ZNF727: variants seen among roughly 807,000 people sequenced by gnomAD.
ZNF727 encodes putative zinc finger protein 727.
ZNF727 carries 11 observed loss-of-function variants against 11.5 expected under a neutral mutation model. The observed-to-expected ratio is 0.95, with a 90% CI of 0.60 to 1.58. The LOEUF (loss-of-function observed/expected upper bound fraction) is 1.58, where lower values mean the gene tolerates loss of function less well. ZNF727 is among the 40% of genes most tolerant of loss of function. The pLI is 0.00. For synonymous variants in ZNF727, 171 were observed against 196.1 expected, an observed-to-expected ratio of 0.87 and a Z score of 1.07; for missense variants, 533 against 581.7, an observed-to-expected ratio of 0.92 and a Z score of 0.86.
intron 1 of ZNF727, among the ~76,000 whole-genome samples, chr7:64,067,825 A>G (rs1423350544): frequency 2.0e-5 from 3 of 152,148 alleles, no homozygotes; most frequent in Non-Finnish European, 1.5e-5. Flanking sequence ...TGATAGGTGC[A>G]GCAAACCACC....
intron 3 of ZNF727, among the ~76,000 whole-genome samples, chr7:64,073,330 A>G (rs1212724281): frequency 5.3e-5 from 8 of 150,564 alleles, no homozygotes; most frequent in Non-Finnish European, 1.0e-4. Flanking sequence ...TCATGACTCA[A>G]TATTTATAAG....
chr7:64,053,943 C>T (rs1190303591), intron 1 of ZNF727, among the ~76,000 whole-genome samples: 1 of 152,152 alleles, frequency 6.6e-6, no homozygotes, highest in Non-Finnish European at 1.5e-5. Context: ...TGTCTAATTT[C>T]TCATTGTTAA....
intron 1 of ZNF727, among the ~76,000 whole-genome samples, chr7:64,053,695 A>G (rs1789638618): frequency 6.6e-6 from 1 of 151,984 alleles, no homozygotes; most frequent in African/African-American, 2.4e-5. Flanking sequence ...TCCATGTAAG[A>G]TGTCACTCAT....
chr7:64,054,456 A>C (rs1045378030), intron 1 of ZNF727, among the ~76,000 whole-genome samples: 6 of 152,178 alleles, frequency 3.9e-5, no homozygotes, highest in Non-Finnish European at 7.4e-5. Flanking sequence ...TGAGTGTTCT[A>C]ATATAGATGG....
At chr7:64,047,533 C>G (rs1363951803) in intron 1 of ZNF727, among the ~76,000 whole-genome samples, 3 of 152,116 alleles carry the variant, frequency 2.0e-5, no homozygotes, top group Admixed American at 6.5e-5. Flanking sequence ...TTTCCTGGTT[C>G]CAAGTATTAC....
chr7:64,053,181 C>A (rs1021883864), intron 1 of ZNF727, among the ~76,000 whole-genome samples: 1 of 152,016 alleles, frequency 6.6e-6, no homozygotes, highest in Non-Finnish European at 1.5e-5. Context: ...GTGTCCCCAC[C>A]CAAATCTCAT....
intron 3 of ZNF727, among the ~76,000 whole-genome samples, chr7:64,076,077 A>G (rs1562797796): frequency 6.6e-6 from 1 of 151,174 alleles, no homozygotes; most frequent in Non-Finnish European, 1.5e-5. Flanking sequence ...TGGCTATGTC[A>G]TTAATTAATT....
chr7:64,082,329 T>C lies in ZNF727; in HGVS notation c.*3780T>C, dbSNP rs569319795. Among the ~76,000 whole-genome samples the C allele has an allele frequency of 6.6e-6, 1 of 152,304 alleles. No homozygotes were observed. The highest frequency in any genetic ancestry group is 1.5e-5 in the Non-Finnish European group (1 of 68,024). On this transcript the variant is annotated 3_prime_UTR_variant, in exon 4 of 4. Coordinates refer to ENST00000456806, the MANE Select transcript of ZNF727 (RefSeq NM_001159522.3). ...ACTCACGTAACAGTCTGGCCACTTT[T>C]CTGAAGGGCTGCTGCAGTATGCTGG...
Position 64,078,083 on chromosome 7 carries a change from GT to G in ZNF727, c.1035del (p.Cys345TrpfsTer21). On this transcript the variant is annotated frameshift_variant, in exon 4 of 4. Coordinates refer to ENST00000456806, the MANE Select transcript of ZNF727 (RefSeq NM_001159522.3). LOFTEE classifies it low-confidence loss of function (END_TRUNC). ...TGEKPYICEE[C>X]GKAFTYSSTL... Reference sequence around the variant, plus strand: ...GAGAAACCCTACATTTGTGAAGAATGTGGCAAAGCCTTTACCTACTCCTCAA... The same window carrying G: ...GAGAAACCCTACATTTGTGAAGAATGGGCAAAGCCTTTACCTACTCCTCAA... 1 of 1,611,662 alleles carries G rather than the reference GT, an allele frequency of 6.2e-7. No homozygotes were observed. Among genetic ancestry groups the G allele is most frequent in the Non-Finnish European group, 8.5e-7 (1 of 1,178,858 alleles).
intron 1 of ZNF727, among the ~76,000 whole-genome samples, chr7:64,063,396 G>A (rs1789807691): frequency 6.6e-6 from 1 of 152,246 alleles, no homozygotes; most frequent in South Asian, 2.1e-4. Context: ...CCACTTTGGT[G>A]GTCATAGGTA....
Position 64,078,331 on chromosome 7 carries a change from G to A in ZNF727, c.1282G>A (p.Glu428Lys), listed in dbSNP as rs1485461796. 7.6e-6 allele frequency: 12 copies of A among 1,575,840 alleles called. No individual in the cohort carries two copies. In the Admixed American group the frequency reaches 1.9e-4, roughly 24 times the overall value. ...GGAAGTGAGACCTTACAAATGTGAAGAATGTGGCAAAACCTTTAAGTGGTT... is the reference window on the plus strand; with the variant it reads ...GGAAGTGAGACCTTACAAATGTGAAAAATGTGGCAAAACCTTTAAGTGGTT... ...HMEVRPYKCE[E>K]CGKTFKWFPD... The change falls in exon 4 of 4, where the codon GAA becomes AAA. Residue 428 changes from glutamate to lysine, a missense_variant. Glu to Lys is a moderately conservative substitution (Grantham distance 56). Transcript: ENST00000456806.
At chr7:64,062,248 G>C (rs1436232978) in intron 1 of ZNF727, among the ~76,000 whole-genome samples, 1 of 151,946 alleles carries the variant, frequency 6.6e-6, no homozygotes, top group East Asian at 1.9e-4. Context: ...AGAAAATTTT[G>C]TGTTTGTCTG....
At position 64,083,959 on chromosome 7, in the gene ZNF727, G is replaced by T. The variant is rs1027574582; in HGVS notation, c.*5410G>T. Among the ~76,000 whole-genome samples, 1 of 152,102 alleles carries T rather than the reference G, an allele frequency of 6.6e-6. No homozygotes were observed. Among genetic ancestry groups the T allele is most frequent in the African/African-American group, 2.4e-5 (1 of 41,416 alleles). On this transcript the variant is annotated 3_prime_UTR_variant, in exon 4 of 4. Coordinates refer to ENST00000456806, the MANE Select transcript of ZNF727 (RefSeq NM_001159522.3). ...TAATTTATTTTCAAAGGCAAATATT[G>T]ATGTAATTTAACTCTTACATTTGAT...
rs1371642725 is a variant in ZNF727 at position 64,085,014 on chromosome 7, T to C, written c.*6465T>C. On this transcript the variant is annotated 3_prime_UTR_variant, in exon 4 of 4. Coordinates refer to ENST00000456806, the MANE Select transcript of ZNF727 (RefSeq NM_001159522.3). ...TTGCTCCTGACTTAGAATCATCTTTTGCAAATTCTTTTTTTGTTTGTTTGT... is the reference window on the plus strand; with the variant it reads ...TTGCTCCTGACTTAGAATCATCTTTCGCAAATTCTTTTTTTGTTTGTTTGT... 1.0e-5 allele frequency among the ~76,000 whole-genome samples: 1 copy of C among 98,946 alleles called. No individual in the cohort carries two copies. The allele number at this position is 98,946 out of a possible 152,430, so 64.9% of individuals were successfully genotyped here. A position where few individuals can be genotyped will look rare whatever the true frequency, so the allele number is the denominator to read the frequency against.
At position 64,077,605 on chromosome 7, in the gene ZNF727, G is replaced by T; in HGVS notation, c.556G>T (p.Asp186Tyr). Residue 186 changes from aspartate (D) to tyrosine (Y), a missense_variant, in exon 4 of 4, where the codon GAT becomes TAT. By Grantham distance (160) the Asp-to-Tyr change is radical. Around this residue, in one of 3 missense-constraint regions of ZNF727, gnomAD observed 463 missense variants for 494.5 expected, o/e 0.94. Transcript: ENST00000456806. ...EECGKDCRLS[D>Y]FTIQKRIHTA... ...ATGTGGCAAAGACTGTAGGTTGTCA[G>T]ATTTTACCATACAGAAGAGAATTCA... 1 of 1,551,382 alleles carries T rather than the reference G, an allele frequency of 6.4e-7. No individual in the cohort carries two copies.
chr7:64,057,836 G>C (rs1789710074), intron 1 of ZNF727, among the ~76,000 whole-genome samples: 1 of 152,066 alleles, frequency 6.6e-6, no homozygotes, highest in African/African-American at 2.4e-5. Flanking sequence ...TCTTAATGCA[G>C]TTATATTCTC....
chr7:64,073,311 T>TG (rs67896964), intron 3 of ZNF727, among the ~76,000 whole-genome samples: 59 of 27,554 alleles, frequency 2.1e-3, no homozygotes, highest in South Asian at 4.7e-3. Context: ...TTTTGTGTGT[T>TG]TTTTTTTTTC....
intron 1 of ZNF727, among the ~76,000 whole-genome samples, chr7:64,046,147 C>G (rs1789501893): frequency 6.6e-6 from 1 of 152,138 alleles, no homozygotes; most frequent in Non-Finnish European, 1.5e-5. Context: ...CCCCAAGTAG[C>G]TAGGACTAGG....
chr7:64,053,073 T>C (rs1789627263), intron 1 of ZNF727, among the ~76,000 whole-genome samples: 1 of 152,166 alleles, frequency 6.6e-6, no homozygotes, highest in Non-Finnish European at 1.5e-5. Context: ...CTGAAATTAG[T>C]TGAGACTCTG....
Sources: allele counts gnomAD v4.1 joint callset (sites outside exome capture counted in the v4.1 genomes callset), GRCh38; gene constraint gnomAD v4.1.1; regional missense constraint gnomAD v4.1.1; transcripts MANE v1.5; gene names NCBI Gene and HGNC (gene_info 2026-07-23, HGNC 2026-07-21).